Variants in DOK5 observed in about 807,000 individuals in gnomAD.
DOK5 encodes the protein docking protein 5.
DOK5 carries 27 observed loss-of-function variants against 43.3 expected under a neutral mutation model. The ratio of observed to expected loss-of-function variants is 0.62; its 90% confidence interval spans 0.46 to 0.86. The LOEUF is 0.86. DOK5 is among the 40% of genes least tolerant of loss of function. The pLI, the probability that DOK5 is intolerant of heterozygous loss-of-function variation, is 0.00. For missense variants in DOK5, 373 were observed against 392.9 expected (o/e 0.95, Z 0.43); for synonymous variants, 146 against 140.1 (o/e 1.04, Z -0.30).
rs1451000622 is a variant in DOK5 at position 54,643,562 on chromosome 20, G to C, written c.840G>C (p.Gln280His). Reference sequence around the variant, plus strand: ...TCACACGGCAGCACAGCACGGGACAGCTCTACCGCTTGCAAGGTAAGCGTG... The same window carrying C: ...TCACACGGCAGCACAGCACGGGACACCTCTACCGCTTGCAAGGTAAGCGTG... ...QHITRQHSTG[Q>H]LYRLQDVSSP... Residue 280 changes from glutamine (Q) to histidine (H), a missense_variant, in exon 7 of 8, where the codon CAG (glutamine) becomes CAC (histidine). Transcript: ENST00000262593. The C allele has an allele frequency of 1.9e-6, 3 of 1,612,884 alleles. No homozygotes were observed. The highest frequency in any genetic ancestry group is 2.5e-6 in the Non-Finnish European group (3 of 1,179,970).
At chr20:54,604,396 C>A (rs531330777) in intron 5 of DOK5, among the ~76,000 whole-genome samples, 1 of 151,726 alleles carries the variant, frequency 6.6e-6, no homozygotes, top group Non-Finnish European at 1.5e-5. Context: ...TTTCATTTTC[C>A]CAACGCTGAC....
At chr20:54,532,313 GGGCTCCTGA>G (rs1983803898) in intron 1 of DOK5, among the ~76,000 whole-genome samples, 1 of 152,178 alleles carries the variant, frequency 6.6e-6, no homozygotes. Flanking sequence ...GTGGGCAGGT[GGGCTCCTGA>G]GGTTGTGTTC....
At chr20:54,632,585 T>G (rs1341905554) in intron 6 of DOK5, among the ~76,000 whole-genome samples, 2 of 152,210 alleles carry the variant, frequency 1.3e-5, no homozygotes, top group East Asian at 3.8e-4. Context: ...GATTAAATAA[T>G]GAGCCTAGGG....
intron 1 of DOK5, among the ~76,000 whole-genome samples, chr20:54,488,328 T>C (rs574232828): frequency 1.2e-4 from 18 of 152,324 alleles, no homozygotes; most frequent in African/African-American, 4.3e-4. Flanking sequence ...CATTAACTGG[T>C]TGCTCTTAAC....
At chr20:54,566,243 C>G (rs898119195) in intron 2 of DOK5, among the ~76,000 whole-genome samples, 6 of 152,010 alleles carry the variant, frequency 3.9e-5, no homozygotes, top group African/African-American at 1.5e-4. Flanking sequence ...CTGTGCATAG[C>G]AATAGTCCAT....
chr20:54,512,798 G>A (rs555301016), intron 1 of DOK5, among the ~76,000 whole-genome samples: 8 of 152,270 alleles, frequency 5.3e-5, no homozygotes, highest in Middle Eastern at 6.8e-3. Context: ...CCCATCACCA[G>A]AGCACGTGGC....
At chr20:54,518,510 A>T (rs1219931314) in intron 1 of DOK5, among the ~76,000 whole-genome samples, 1 of 151,868 alleles carries the variant, frequency 6.6e-6, no homozygotes, top group African/African-American at 2.4e-5. Flanking sequence ...ACATTTTCTT[A>T]ATCCAGTCTA....
intron 1 of DOK5, among the ~76,000 whole-genome samples, chr20:54,535,063 A>G (rs913859680): frequency 6.6e-6 from 1 of 151,986 alleles, no homozygotes; most frequent in African/African-American, 2.4e-5. Context: ...TGAACTCCTG[A>G]CCTCATGATC....
At position 54,591,819 on chromosome 20, in the gene DOK5, C is replaced by G. The variant is rs1381462803; in HGVS notation, c.599+14C>G. ...TGAGGCAGGGAGGTGAGTTTAATGACTTTTAATGACTATTTTTCTGTTTGT... is the reference window on the plus strand; with the variant it reads ...TGAGGCAGGGAGGTGAGTTTAATGAGTTTTAATGACTATTTTTCTGTTTGT... On this transcript the variant is annotated intron_variant, in intron 5 of 7. Transcript: ENST00000262593. 1 of 1,604,386 alleles carries G rather than the reference C, an allele frequency of 6.2e-7. No individual in the cohort carries two copies. Among genetic ancestry groups the G allele is most frequent in the Non-Finnish European group, 8.5e-7 (1 of 1,175,936 alleles).
intron 5 of DOK5, among the ~76,000 whole-genome samples, chr20:54,604,758 T>C (rs769028146): frequency 2.6e-5 from 4 of 152,078 alleles, no homozygotes; most frequent in Non-Finnish European, 5.9e-5. Context: ...CCCAGCACTT[T>C]GGGAGGCTGA....
At chr20:54,540,817 C>A (rs995713302) in intron 1 of DOK5, among the ~76,000 whole-genome samples, 1 of 152,180 alleles carries the variant, frequency 6.6e-6, no homozygotes, top group African/African-American at 2.4e-5. Flanking sequence ...AGCCACCGTG[C>A]CTGGCCCTAA....
chr20:54,605,391 T>C (rs1170979206), intron 5 of DOK5, among the ~76,000 whole-genome samples: 1 of 152,216 alleles, frequency 6.6e-6, no homozygotes, highest in South Asian at 2.1e-4. Context: ...AACCATAGTG[T>C]CTTGGTCTTG....
At chr20:54,596,438 C>G (rs1986144527) in intron 5 of DOK5, among the ~76,000 whole-genome samples, 1 of 152,188 alleles carries the variant, frequency 6.6e-6, no homozygotes, top group Admixed American at 6.5e-5. Flanking sequence ...CAGCCTCTCT[C>G]TTAGAACTAG....
At chr20:54,547,713 A>G (rs994826050) in intron 1 of DOK5, among the ~76,000 whole-genome samples, 2 of 152,206 alleles carry the variant, frequency 1.3e-5, no homozygotes, top group South Asian at 2.1e-4. Flanking sequence ...TAATAAAATC[A>G]CCACCACCAA....
chr20:54,633,721 A>G (rs1978679722), intron 6 of DOK5, among the ~76,000 whole-genome samples: 2 of 152,196 alleles, frequency 1.3e-5, no homozygotes, highest in Admixed American at 6.5e-5. Context: ...TTGAGTTATT[A>G]ATACTTTAAG....
intron 6 of DOK5, among the ~76,000 whole-genome samples, chr20:54,634,590 C>T (rs556311605): frequency 1.2e-4 from 18 of 151,770 alleles, no homozygotes; most frequent in South Asian, 6.3e-4. Context: ...TACAGGCGCC[C>T]GCCACCATGC....
chr20:54,588,661 G>A (rs1985885942), intron 3 of DOK5, 26 bp from the exon 4 acceptor site: 2 of 1,614,116 alleles, frequency 1.2e-6, no homozygotes, highest in Non-Finnish European at 1.7e-6. Flanking sequence ...TGGGCACACA[G>A]TTTAATCTTT....
At chr20:54,520,900 T>C (rs1983370265) in intron 1 of DOK5, among the ~76,000 whole-genome samples, 1 of 152,210 alleles carries the variant, frequency 6.6e-6, no homozygotes, top group Admixed American at 6.5e-5. Flanking sequence ...GTCTGCATCC[T>C]TCTGTGATGT....
chr20:54,558,947 CAT>C (rs1984809456), intron 2 of DOK5, among the ~76,000 whole-genome samples: 1 of 152,138 alleles, frequency 6.6e-6, no homozygotes, highest in Non-Finnish European at 1.5e-5. Context: ...GGAAAATAAA[CAT>C]ATGAATAATG....
Sources: gnomAD v4.1 joint callset for allele counts (sites outside exome capture counted in the v4.1 genomes callset) on GRCh38, gnomAD v4.1.1 for gene constraint, MANE v1.5 for transcripts, NCBI Gene and HGNC (gene_info 2026-07-23, HGNC 2026-07-21) for gene names.